Variants in LNPK observed in about 807,000 individuals in gnomAD.
The protein encoded by LNPK is lunapark, ER junction formation factor.
A neutral mutation model predicts 55.2 loss-of-function variants in LNPK; 29 were observed. The ratio of observed to expected loss-of-function variants is 0.53; its 90% CI spans 0.39 to 0.72. The LOEUF (loss-of-function observed/expected upper bound fraction) is 0.72, where lower values mean the gene tolerates loss of function less well. Among genes scored for constraint, LNPK ranks in the 30% least tolerant of loss-of-function variants. The pLI is 0.00. For missense variants in LNPK, 467 were observed against 494.8 expected (o/e 0.94, Z 0.53); for synonymous variants, 162 against 168.2 (o/e 0.96, Z 0.29).
chr2:175,996,969 C>T (rs1181550024), intron 1 of LNPK, among the ~76,000 whole-genome samples: 1 of 152,120 alleles, frequency 6.6e-6, no homozygotes, highest in Non-Finnish European at 1.5e-5. Flanking sequence ...TTCTTTTCCA[C>T]CCCCAAAAAG....
At chr2:175,966,845 A>G (rs907620240) in intron 6 of LNPK, among the ~76,000 whole-genome samples, 7 of 152,240 alleles carry the variant, frequency 4.6e-5, no homozygotes, top group Non-Finnish European at 4.4e-5. Context: ...CTCTGCATAG[A>G]TATTTTAATA....
chr2:175,972,370 T>C (rs1686701777), intron 5 of LNPK, among the ~76,000 whole-genome samples: 1 of 152,190 alleles, frequency 6.6e-6, no homozygotes, highest in Non-Finnish European at 1.5e-5. Flanking sequence ...ACACCCCAGC[T>C]GAGCATCTCA....
chr2:175,938,210 T>TA (rs1438132441), intron 11 of LNPK, 103 bp downstream of exon 11: 6 of 716,212 alleles, frequency 8.4e-6, no homozygotes, highest in Non-Finnish European at 1.4e-5. Flanking sequence ...AACCAATGTA[T>TA]ACAAAGAGAG....
At position 175,929,227 on chromosome 2, in the gene LNPK, G is replaced by A; in HGVS notation, c.*740C>T. 1 of 956,662 alleles carries A rather than the reference G, an allele frequency of 1.0e-6. No homozygotes were observed. The highest frequency in any genetic ancestry group is 1.2e-6 in the Non-Finnish European group (1 of 803,698). The allele number at this position is 956,662 out of a possible 1,614,324, so 59.3% of individuals were successfully genotyped here. ...TAAATAATGCTCAGAATTCAAATAGGGTCAAGTGCAGAAATATTTCCTATA... is the reference window on the plus strand; with the variant it reads ...TAAATAATGCTCAGAATTCAAATAGAGTCAAGTGCAGAAATATTTCCTATA... On this transcript the variant is annotated 3_prime_UTR_variant, in exon 13 of 13. Coordinates refer to ENST00000272748, the MANE Select transcript of LNPK (RefSeq NM_030650.3).
intron 8 of LNPK, among the ~76,000 whole-genome samples, chr2:175,956,986 G>A (rs1244730075): frequency 6.6e-6 from 1 of 152,008 alleles, no homozygotes. Flanking sequence ...AGAGTCCCCT[G>A]GCATTATTCC....
In LNPK at chr2:175,926,089, A is replaced by G. The variant is rs1246800213; in HGVS notation, c.*3878T>C. The G allele has an allele frequency of 6.6e-6, 1 of 152,266 alleles. No individual in the cohort carries two copies. The highest frequency in any genetic ancestry group is 1.5e-5 in the Non-Finnish European group (1 of 68,072). The allele number at this position is 152,266 out of a possible 1,614,324, so 9.4% of individuals were successfully genotyped here. ...TGGTAATCTGAAATGATGGAGGCCA[A>G]GATTAGAAGGCAGTACAACAGAAAT... On this transcript the variant is annotated 3_prime_UTR_variant, in exon 13 of 13. Coordinates refer to ENST00000272748, the MANE Select transcript of LNPK (RefSeq NM_030650.3).
chr2:175,944,004 A>G (rs1269168198), intron 9 of LNPK, among the ~76,000 whole-genome samples: 2 of 152,258 alleles, frequency 1.3e-5, no homozygotes, highest in African/African-American at 2.4e-5. Context: ...TATTCAGACA[A>G]TGTGGCTATG....
At chr2:175,959,799 T>C (rs1685911725) in intron 8 of LNPK, among the ~76,000 whole-genome samples, 2 of 152,172 alleles carry the variant, frequency 1.3e-5, no homozygotes, top group South Asian at 4.1e-4. Flanking sequence ...ATCAGTGTGC[T>C]GTATTCAGGA....
At chr2:175,973,079 G>T (rs1686736644) in intron 5 of LNPK, among the ~76,000 whole-genome samples, 1 of 152,110 alleles carries the variant, frequency 6.6e-6, no homozygotes, top group Non-Finnish European at 1.5e-5. Context: ...TTACAATGTT[G>T]TTTTCTAAAT....
At chr2:175,964,715 C>G (rs1197691376) in intron 6 of LNPK, 126 bp from the exon 7 acceptor site, 1 of 619,406 alleles carries the variant, frequency 1.6e-6, no homozygotes, top group Non-Finnish European at 2.9e-6. Context: ...TTCCTACATT[C>G]GAATAATTAA....
chr2:175,987,685 A>G (rs1034334529), intron 4 of LNPK, among the ~76,000 whole-genome samples: 11 of 152,168 alleles, frequency 7.2e-5, no homozygotes, highest in East Asian at 3.9e-4. Context: ...AAAAAAAAAA[A>G]AATCACTACA....
chr2:175,990,479 T>C (rs1455631564), intron 4 of LNPK, among the ~76,000 whole-genome samples: 3 of 152,168 alleles, frequency 2.0e-5, no homozygotes, highest in Non-Finnish European at 4.4e-5. Flanking sequence ...TAAACCTCAT[T>C]TCTTTATAAA....
intron 8 of LNPK, among the ~76,000 whole-genome samples, chr2:175,956,045 C>T (rs1327379643): frequency 6.6e-5 from 10 of 151,860 alleles, no homozygotes; most frequent in Admixed American, 1.3e-4. Flanking sequence ...TTTGGGAGGC[C>T]GAGGCTGATG....
At position 175,929,364 on chromosome 2, in the gene LNPK, C is replaced by G. The variant is rs115238860; in HGVS notation, c.*603G>C. 9.1e-6 allele frequency: 9 copies of G among 985,596 alleles called. No individual in the cohort carries two copies. The highest frequency in any genetic ancestry group is 1.1e-5 in the Non-Finnish European group (9 of 829,700). The allele number at this position is 985,596 out of a possible 1,614,324, so 61.1% of individuals were successfully genotyped here. On this transcript the variant is annotated 3_prime_UTR_variant, in exon 13 of 13. Coordinates refer to ENST00000272748, the MANE Select transcript of LNPK (RefSeq NM_030650.3). ...AGTTGACTGTTTCATTGCATTCTCA[C>G]TGAGAATTCGTACCAGTGCCAACGT...
At chr2:175,990,183 G>A (rs1344297721) in intron 4 of LNPK, among the ~76,000 whole-genome samples, 1 of 152,226 alleles carries the variant, frequency 6.6e-6, no homozygotes, top group African/African-American at 2.4e-5. Flanking sequence ...AGTGTTGGAG[G>A]TGGGGCCTAA....
At chr2:175,932,633 G>A (rs1255476322) in intron 12 of LNPK, among the ~76,000 whole-genome samples, 1 of 152,186 alleles carries the variant, frequency 6.6e-6, no homozygotes, top group Non-Finnish European at 1.5e-5. Flanking sequence ...ATGTTTGGAT[G>A]CCAATGCCAT....
chr2:175,948,145 C>T (rs1685234469), intron 8 of LNPK, among the ~76,000 whole-genome samples: 1 of 152,170 alleles, frequency 6.6e-6, no homozygotes. Flanking sequence ...TCTAAGTAGT[C>T]ATAGAAATGC....
chr2:175,984,533 A>G (rs1687321484), intron 4 of LNPK, among the ~76,000 whole-genome samples: 1 of 152,174 alleles, frequency 6.6e-6, no homozygotes, highest in South Asian at 2.1e-4. Flanking sequence ...AAAAACTAAT[A>G]ATCCAATTAG....
rs568575945 is a variant in LNPK, at chr2:175,998,717, C to A, written c.-62-3071G>T. ...GTATTAGTACAATGTATTGTGTAAC[C>A]CAATTCCTTTATTTGATTACATTTG... On this transcript the variant is annotated intron_variant, in intron 1 of 12. Coordinates refer to ENST00000272748, the MANE Select transcript of LNPK (RefSeq NM_030650.3). Among the ~76,000 whole-genome samples the A allele has an allele frequency of 7.9e-5, 12 of 152,088 alleles. No homozygotes were observed. The South Asian group carries it at 2.3e-3, about 29-fold the overall frequency.
Sources: gnomAD v4.1 joint callset for allele counts (sites outside exome capture counted in the v4.1 genomes callset) on GRCh38, gnomAD v4.1.1 for gene constraint, MANE v1.5 for transcripts, NCBI Gene and HGNC (gene_info 2026-07-23, HGNC 2026-07-21) for gene names.